The following SPATA31F1 variants were observed in gnomAD, a reference collection of about 807,000 sequenced individuals.
The protein encoded by SPATA31F1 is SPATA31 subfamily F member 1, also known as protein SPATA31F1.
the SPATA31F1 span, chr9:34,725,913 A>T: frequency 6.4e-7 from 1 of 1,551,944 alleles, no homozygotes; most frequent in Non-Finnish European, 8.7e-7. Context: ...GCAACCAGGG[A>T]CTCACTGTGC....
At chr9:34,724,796 G>A in the SPATA31F1 span, 2 of 1,551,320 alleles carry the variant, frequency 1.3e-6, no homozygotes, top group African/African-American at 2.7e-5. Context: ...CACGGGACTA[G>A]GCTCCATCTC....
chr9:34,723,725 A>G, the SPATA31F1 span: 3 of 1,551,736 alleles, frequency 1.9e-6, no homozygotes, highest in Non-Finnish European at 1.7e-6. Flanking sequence ...TGGTTGGCTC[A>G]GGAAAGGCTG....
the SPATA31F1 span, chr9:34,725,806 T>G: frequency 2.6e-6 from 4 of 1,548,980 alleles, no homozygotes; most frequent in African/African-American, 4.1e-5. Context: ...TAGGGAGCAG[T>G]TGGGGGAAGG....
chr9:34,723,185 T>G, the SPATA31F1 span: 11 of 1,522,730 alleles, frequency 7.2e-6, no homozygotes, highest in South Asian at 1.4e-4. Flanking sequence ...GCTCTGCATG[T>G]TCTCCTTGAG....
At chr9:34,728,736 A>G in the SPATA31F1 span, 1 of 1,282,990 alleles carries the variant, frequency 7.8e-7, no homozygotes, top group East Asian at 2.5e-5. Context: ...ACTTACATAC[A>G]TTTTTCACTC....
chr9:34,728,033 G>A, the SPATA31F1 span: 2 of 1,552,140 alleles, frequency 1.3e-6, no homozygotes, highest in South Asian at 1.2e-5. Flanking sequence ...TTTTAATGAT[G>A]GAGAGCAGCT....
At chr9:34,724,047 C>T in the SPATA31F1 span, 1 of 1,524,086 alleles carries the variant, frequency 6.6e-7, no homozygotes, top group Non-Finnish European at 8.9e-7. Flanking sequence ...CCAAACCCCG[C>T]ATCCCCTTCT....
chr9:34,724,429 C>G, the SPATA31F1 span: 1 of 1,551,128 alleles, frequency 6.4e-7, no homozygotes, highest in South Asian at 1.2e-5. Context: ...GCAATGTCTC[C>G]CCTTGGTGGT....
chr9:34,723,978 G>A, the SPATA31F1 span: 2 of 1,550,634 alleles, frequency 1.3e-6, no homozygotes, highest in African/African-American at 1.4e-5. Flanking sequence ...TTGTTTGGAA[G>A]CATCCCTGCT....
chr9:34,727,030 C>T, the SPATA31F1 span: 1 of 1,525,384 alleles, frequency 6.6e-7, no homozygotes, highest in Non-Finnish European at 8.8e-7. Context: ...GGAGTGACAT[C>T]TGCCTTCTTG....
At chr9:34,723,324 G>T in the SPATA31F1 span, 7 of 1,551,724 alleles carry the variant, frequency 4.5e-6, no homozygotes, top group East Asian at 7.3e-5. Context: ...GCAGAGCCAG[G>T]TTGTCTGGAG....
the SPATA31F1 span, chr9:34,725,814 A>G: frequency 1.3e-6 from 2 of 1,549,794 alleles, no homozygotes; most frequent in Non-Finnish European, 1.7e-6. Flanking sequence ...AGTTGGGGGA[A>G]GGAGAGCTCA....
the SPATA31F1 span, chr9:34,728,078 C>A: frequency 6.4e-7 from 1 of 1,551,910 alleles, no homozygotes; most frequent in Non-Finnish European, 8.7e-7. Context: ...GGGAACGTCT[C>A]CTAGCTGAGG....
chr9:34,724,890 A>G, the SPATA31F1 span: 4 of 1,549,708 alleles, frequency 2.6e-6, no homozygotes, highest in Non-Finnish European at 2.6e-6. Flanking sequence ...CCCGACAGGA[A>G]GGCCAGATGC....
chr9:34,729,200 G>C, the SPATA31F1 span: 8 of 1,434,636 alleles, frequency 5.6e-6, no homozygotes, highest in Non-Finnish European at 7.4e-6. Flanking sequence ...AAAATTCTGG[G>C]GTGGGGATTA....
the SPATA31F1 span, chr9:34,728,050 G>A: frequency 6.4e-7 from 1 of 1,552,072 alleles, no homozygotes; most frequent in Non-Finnish European, 8.7e-7. Flanking sequence ...AGCTTCTGTG[G>A]CTTCTCAGCT....
chr9:34,723,861 G>T, the SPATA31F1 span: 1 of 1,551,680 alleles, frequency 6.4e-7, no homozygotes, highest in Non-Finnish European at 8.7e-7. Context: ...CCAGGGACTC[G>T]TGGAGGTAGC....
At chr9:34,728,727 C>A in the SPATA31F1 span, 7 of 1,367,990 alleles carry the variant, frequency 5.1e-6, no homozygotes, top group Non-Finnish European at 7.1e-6. Context: ...TGAGACAAAA[C>A]TTACATACAT....
chr9:34,726,940 T>TGCACACAGGATTC, the SPATA31F1 span: 2 of 1,551,520 alleles, frequency 1.3e-6, no homozygotes, highest in East Asian at 4.9e-5. Context: ...AGCAGGGATC[T>TGCACACAGGATTC]GCACACAGGA....
Sources: allele counts gnomAD v4.1 joint callset, GRCh38; gene constraint gnomAD v4.1.1; transcripts MANE v1.5; gene names NCBI Gene and HGNC (gene_info 2026-07-23, HGNC 2026-07-21).